Variants in ARFIP1 observed in about 807,000 individuals in gnomAD.
ARFIP1 encodes arfaptin-1.
ARFIP1 carries 24 observed loss-of-function variants against 42.5 expected under a neutral mutation model. That is an observed-to-expected ratio of 0.57 (90% CI 0.41 to 0.80). The LOEUF (loss-of-function observed/expected upper bound fraction) is 0.80, where lower values mean the gene tolerates loss of function less well. Among genes scored for constraint, ARFIP1 ranks in the 30% least tolerant of loss-of-function variants. The pLI, the probability that ARFIP1 is intolerant of heterozygous loss-of-function variation, is 0.00. For synonymous variants in ARFIP1, 141 were observed against 153.7 expected, an observed-to-expected ratio of 0.92 and a Z score of 0.61; for missense variants, 354 against 434.0, an observed-to-expected ratio of 0.82 and a Z score of 1.64.
Position 152,910,082 on chromosome 4 carries a change from C to T in ARFIP1, c.985C>T (p.Gln329Ter), listed in dbSNP as rs777740272. The change falls in exon 9 of 9, where the codon CAG becomes TAG. Residue 329 changes from glutamine to a stop codon, truncating the protein, a stop_gained. Transcript: ENST00000353617. LOFTEE classifies it high-confidence loss of function. ...EENKVKVLHN[Q>*]LVLFHNAIAA... The stretch of plus-strand genomic sequence containing the variant: ...TCCACAGGTTAAAGTATTGCACAAT[C>T]AGCTGGTCCTTTTCCACAATGCCAT... The T allele has an allele frequency of 6.2e-7, 1 of 1,614,158 alleles. No homozygotes were observed. The highest frequency in any genetic ancestry group is 8.5e-7 in the Non-Finnish European group (1 of 1,180,014).
intron 8 of ARFIP1, among the ~76,000 whole-genome samples, chr4:152,908,749 A>G (rs1387307797): frequency 2.6e-5 from 4 of 152,168 alleles, no homozygotes; most frequent in African/African-American, 9.7e-5. Flanking sequence ...ACCCTCTGTC[A>G]GGGCAGATTG....
intron 8 of ARFIP1, among the ~76,000 whole-genome samples, chr4:152,896,827 G>C (rs904112303): frequency 6.6e-6 from 1 of 151,090 alleles, no homozygotes; most frequent in Non-Finnish European, 1.5e-5. Context: ...ACTTAAAATA[G>C]ACATGTATTT....
intron 2 of ARFIP1, among the ~76,000 whole-genome samples, chr4:152,841,160 C>T (rs774175304): frequency 2.5e-4 from 38 of 151,558 alleles, no homozygotes; most frequent in Non-Finnish European, 1.2e-4. Flanking sequence ...CTCAGCCTCC[C>T]GAGTAGCTGG....
intron 2 of ARFIP1, among the ~76,000 whole-genome samples, chr4:152,855,599 G>A (rs1733366702): frequency 6.6e-6 from 1 of 152,194 alleles, no homozygotes; most frequent in African/African-American, 2.4e-5. Context: ...TTGTTTTTCA[G>A]GACAGTGTGA....
chr4:152,864,792 G>A (rs1422897557), intron 3 of ARFIP1, among the ~76,000 whole-genome samples: 1 of 152,090 alleles, frequency 6.6e-6, no homozygotes, highest in Non-Finnish European at 1.5e-5. Context: ...GCCTTTTTAA[G>A]GATAGCAGTT....
intron 8 of ARFIP1, among the ~76,000 whole-genome samples, chr4:152,906,717 G>C (rs1019942976): frequency 2.6e-5 from 4 of 152,146 alleles, no homozygotes; most frequent in African/African-American, 9.7e-5. Context: ...CAAGGAGCCA[G>C]ATCTTTTTAA....
At chr4:152,826,306 T>C (rs62319893) in intron 1 of ARFIP1, among the ~76,000 whole-genome samples, 57,792 of 151,932 alleles carry the variant, frequency 0.38, 12,061 homozygotes, top group Admixed American at 0.49. Context: ...TGAAATAATA[T>C]CTTGCAGTGA....
At chr4:152,902,361 G>T (rs979791820) in intron 8 of ARFIP1, among the ~76,000 whole-genome samples, 1 of 152,160 alleles carries the variant, frequency 6.6e-6, no homozygotes, top group African/African-American at 2.4e-5. Context: ...AGTTAGCCAG[G>T]TATGGTGATG....
intron 2 of ARFIP1, among the ~76,000 whole-genome samples, chr4:152,845,272 G>A (rs62319904): frequency 0.043 from 6,502 of 152,098 alleles, 174 homozygotes; most frequent in South Asian, 0.11. Flanking sequence ...AGAAAACCTA[G>A]GAAACACCAT....
chr4:152,874,732 A>G (rs1253890805), intron 5 of ARFIP1, among the ~76,000 whole-genome samples: 4 of 152,212 alleles, frequency 2.6e-5, no homozygotes, highest in Admixed American at 1.3e-4. Flanking sequence ...TTGTATGATC[A>G]TGGATCACTG....
At chr4:152,878,349 A>G (rs543909630) in intron 5 of ARFIP1, among the ~76,000 whole-genome samples, 2 of 152,322 alleles carry the variant, frequency 1.3e-5, no homozygotes, top group South Asian at 2.1e-4. Context: ...GATCTCCAAT[A>G]TTACATTTTA....
At chr4:152,781,990 G>C (rs1210351811) in intron 1 of ARFIP1, among the ~76,000 whole-genome samples, 2 of 152,196 alleles carry the variant, frequency 1.3e-5, no homozygotes, top group Non-Finnish European at 2.9e-5. Context: ...ACAGCCTCTT[G>C]ATAGATTAAA....
chr4:152,850,806 A>AT (rs964611978), intron 2 of ARFIP1: 1 of 152,224 alleles, frequency 6.6e-6, no homozygotes, highest in Admixed American at 6.5e-5. Flanking sequence ...TAGAATATTG[A>AT]TAAGTAGAAT....
At chr4:152,900,865 C>T (rs1439385525) in intron 8 of ARFIP1, among the ~76,000 whole-genome samples, 1 of 152,206 alleles carries the variant, frequency 6.6e-6, no homozygotes, top group African/African-American at 2.4e-5. Flanking sequence ...TTCTTACAAC[C>T]AGCTACTATC....
intron 1 of ARFIP1, among the ~76,000 whole-genome samples, chr4:152,792,171 C>G (rs894878846): frequency 6.6e-6 from 1 of 152,152 alleles, no homozygotes. Flanking sequence ...TCAGTGTTTT[C>G]TATTTACCTC....
At chr4:152,808,859 G>A (rs1016167905) in intron 1 of ARFIP1, among the ~76,000 whole-genome samples, 2 of 152,118 alleles carry the variant, frequency 1.3e-5, no homozygotes, top group African/African-American at 4.8e-5. Context: ...ATCTGAGGAT[G>A]GGAGTTCAAG....
At chr4:152,847,021 T>C (rs1265325604) in intron 2 of ARFIP1, among the ~76,000 whole-genome samples, 2 of 151,924 alleles carry the variant, frequency 1.3e-5, no homozygotes, top group Non-Finnish European at 2.9e-5. Flanking sequence ...CCTGGTTAGC[T>C]TTACACTCAA....
At chr4:152,855,570 C>T (rs1202192248) in intron 2 of ARFIP1, among the ~76,000 whole-genome samples, 1 of 152,202 alleles carries the variant, frequency 6.6e-6, no homozygotes, top group Non-Finnish European at 1.5e-5. Flanking sequence ...AGTCCTAGGG[C>T]CTGCAGCCCA....
intron 1 of ARFIP1, among the ~76,000 whole-genome samples, chr4:152,821,201 GAGA>G (rs1730338394): frequency 6.6e-6 from 1 of 152,044 alleles, no homozygotes; most frequent in African/African-American, 2.4e-5. Flanking sequence ...GTCACTGAAG[GAGA>G]TACAAAAGAA....
Sources: gnomAD v4.1 joint callset for allele counts (sites outside exome capture counted in the v4.1 genomes callset) on GRCh38, gnomAD v4.1.1 for gene constraint, MANE v1.5 for transcripts, NCBI Gene and HGNC (gene_info 2026-07-23, HGNC 2026-07-21) for gene names.